The following PSMA3 variants were observed in gnomAD, a reference collection of about 807,000 sequenced individuals.
PSMA3 encodes the protein proteasome 20S subunit alpha 3, also known as proteasome subunit alpha type-3.
Under a neutral mutation model 40.0 loss-of-function variants are expected in PSMA3, and 8 were observed. The observed-to-expected ratio is 0.20, with a 90% CI of 0.12 to 0.36. The LOEUF is 0.36. Among genes scored for constraint, PSMA3 ranks in the 10% least tolerant of loss-of-function variants. The pLI, the probability that PSMA3 is intolerant of heterozygous loss-of-function variation, is 1.00. For missense variants in PSMA3, 219 were observed against 310.6 expected (o/e 0.70, Z 2.22); for synonymous variants, 110 against 100.0 (o/e 1.10, Z -0.59).
At chr14:58,245,016 G>A (rs1889846684) in intron 1 of PSMA3, 75 bp downstream of exon 1, 1 of 1,603,684 alleles carries the variant, frequency 6.2e-7, no homozygotes, top group Non-Finnish European at 8.5e-7. Flanking sequence ...AGACCACATG[G>A]GGTTCGCGGA....
chr14:58,256,499 C>G (rs961490780), intron 3 of PSMA3, among the ~76,000 whole-genome samples: 1 of 149,310 alleles, frequency 6.7e-6, no homozygotes, highest in Admixed American at 6.7e-5. Context: ...ACTGCAACTT[C>G]CGCCTCCCAG....
At chr14:58,252,291 GA>G in intron 3 of PSMA3, 49 bp downstream of exon 3, 1 of 1,579,078 alleles carries the variant, frequency 6.3e-7, no homozygotes, top group Non-Finnish European at 8.6e-7. Context: ...AATTTCTTTT[GA>G]AGTAACTGAT....
chr14:58,256,601 A>G (rs540508018), intron 3 of PSMA3, among the ~76,000 whole-genome samples: 1 of 150,660 alleles, frequency 6.6e-6, no homozygotes, highest in East Asian at 2.0e-4. Context: ...TTTAGTAGAG[A>G]CGGCATTTCA....
At position 58,247,780 on chromosome 14, in the gene PSMA3, G is replaced by A; in HGVS notation, c.52G>A (p.Asp18Asn). The A allele has an allele frequency of 6.2e-7, 1 of 1,609,148 alleles. No homozygotes were observed. Among genetic ancestry groups the A allele is most frequent in the Non-Finnish European group, 8.5e-7 (1 of 1,175,988 alleles). ...YDLSASTFSP[D>N]GRVFQVEYAM... ...CCTGTCAGCCTCTACATTCTCTCCT[G>A]ACGGAAGAGTTTTTCAAGTTGAATA... Residue 18 changes from aspartate (D) to asparagine (N), a missense_variant, in exon 2 of 11, where the codon GAC (aspartate) becomes AAC (asparagine). Coordinates refer to ENST00000216455, the MANE Select transcript of PSMA3 (RefSeq NM_002788.4).
At chr14:58,261,166 CT>C in intron 6 of PSMA3, 146 bp downstream of exon 6, 1 of 594,786 alleles carries the variant, frequency 1.7e-6, no homozygotes, top group Non-Finnish European at 2.8e-6. Flanking sequence ...ACAACAACCT[CT>C]TGTCCAACAG....
chr14:58,269,850 TC>T (rs1890562949), intron 8 of PSMA3: 1 of 151,968 alleles, frequency 6.6e-6, no homozygotes, highest in African/African-American at 2.4e-5. Flanking sequence ...TATAGTTGTA[TC>T]TTTTTTTTTT....
At chr14:58,257,101 C>CA (rs60421135) in intron 3 of PSMA3, among the ~76,000 whole-genome samples, 3,432 of 104,558 alleles carry the variant, frequency 0.033, 87 homozygotes, top group African/African-American at 0.083. Context: ...GACTCTGTCT[C>CA]AAAAAAAAAA....
intron 6 of PSMA3, among the ~76,000 whole-genome samples, chr14:58,262,338 T>G (rs1248450211): frequency 1.3e-5 from 2 of 152,126 alleles, no homozygotes; most frequent in African/African-American, 4.8e-5. Flanking sequence ...CCGAGTAGGC[T>G]GGGATTAGAA....
chr14:58,268,519 G>A (rs1267559973), intron 8 of PSMA3, among the ~76,000 whole-genome samples: 3 of 152,008 alleles, frequency 2.0e-5, no homozygotes, highest in Admixed American at 1.3e-4. Context: ...AGTTTCAGTT[G>A]TGAAGCAAGC....
chr14:58,259,901 TATAA>T (rs1231995271), intron 5 of PSMA3, among the ~76,000 whole-genome samples: 1 of 152,170 alleles, frequency 6.6e-6, no homozygotes, highest in Non-Finnish European at 1.5e-5. Context: ...GGTCCAGTCA[TATAA>T]AAGTCTGTGC....
intron 8 of PSMA3, 188 bp downstream of exon 8, chr14:58,267,708 T>C: frequency 9.2e-6 from 10 of 1,088,612 alleles, no homozygotes; most frequent in Non-Finnish European, 1.2e-5. Context: ...TTTTTAGTAG[T>C]AATGAATAGG....
chr14:58,262,426 G>C (rs901122669), intron 6 of PSMA3, among the ~76,000 whole-genome samples: 1 of 152,032 alleles, frequency 6.6e-6, no homozygotes, highest in African/African-American at 2.4e-5. Flanking sequence ...GGCTGGTCTC[G>C]AACTCCTGAT....
intron 3 of PSMA3, among the ~76,000 whole-genome samples, chr14:58,255,034 G>C (rs1890111239): frequency 6.6e-6 from 1 of 152,140 alleles, no homozygotes; most frequent in Non-Finnish European, 1.5e-5. Flanking sequence ...TCCTGGGCTA[G>C]AGGGTTTCAA....
intron 3 of PSMA3, among the ~76,000 whole-genome samples, chr14:58,256,586 G>C (rs753006667): frequency 6.6e-6 from 1 of 151,072 alleles, no homozygotes; most frequent in Non-Finnish European, 1.5e-5. Context: ...GCTAATTTTT[G>C]TATTTTTAGT....
chr14:58,260,366 A>C (rs1173647841), intron 5 of PSMA3, among the ~76,000 whole-genome samples: 1 of 152,204 alleles, frequency 6.6e-6, no homozygotes, highest in Non-Finnish European at 1.5e-5. Flanking sequence ...GTTTTTTGAA[A>C]GTTTTCTATC....
At chr14:58,262,625 C>A (rs1461217525) in intron 6 of PSMA3, among the ~76,000 whole-genome samples, 4 of 150,364 alleles carry the variant, frequency 2.7e-5, no homozygotes, top group Non-Finnish European at 4.4e-5. Context: ...TGCAGTGGTG[C>A]AATCTTGGCT....
intron 2 of PSMA3, among the ~76,000 whole-genome samples, chr14:58,248,144 CTTG>C (rs1209359923): frequency 6.6e-6 from 1 of 152,098 alleles, no homozygotes; most frequent in Non-Finnish European, 1.5e-5. Flanking sequence ...GGTTTGTGAC[CTTG>C]TTATTTTTTA....
chr14:58,249,543 C>T (rs1382485528), intron 2 of PSMA3, among the ~76,000 whole-genome samples: 1 of 151,662 alleles, frequency 6.6e-6, no homozygotes, highest in African/African-American at 2.4e-5. Context: ...CATAGGATCT[C>T]GCTTTGTCAC....
At chr14:58,271,285 G>A (rs1304185753) in intron 10 of PSMA3, among the ~76,000 whole-genome samples, 1 of 147,086 alleles carries the variant, frequency 6.8e-6, no homozygotes, top group Non-Finnish European at 1.5e-5. Context: ...GGTTTAGACT[G>A]CAAAGAGTTT....
Sources: gnomAD v4.1 joint callset for allele counts (sites outside exome capture counted in the v4.1 genomes callset) on GRCh38, gnomAD v4.1.1 for gene constraint, MANE v1.5 for transcripts, NCBI Gene and HGNC (gene_info 2026-07-23, HGNC 2026-07-21) for gene names.